The following STK32B variants were observed in gnomAD, a reference collection of about 807,000 sequenced individuals.
STK32B encodes serine/threonine-protein kinase 32B.
STK32B carries 43 observed loss-of-function variants against 52.6 expected under a neutral mutation model. The observed-to-expected ratio is 0.82, with a 90% CI of 0.64 to 1.05. The LOEUF is 1.05. Among genes scored for constraint, STK32B ranks in the 50% least tolerant of loss-of-function variants. The pLI is 0.00. For missense variants in STK32B, 621 were observed against 534.6 expected, an observed-to-expected ratio of 1.16 and a Z score of -1.59; for synonymous variants, 238 against 204.3, an observed-to-expected ratio of 1.17 and a Z score of -1.41.
chr4:5,412,927 G>A (rs1000698076), intron 5 of STK32B, among the ~76,000 whole-genome samples: 1 of 152,024 alleles, frequency 6.6e-6, no homozygotes, highest in East Asian at 1.9e-4. Flanking sequence ...TCTCAGCCCA[G>A]AAGGTCTGAC....
At chr4:5,351,170 G>A (rs1418536161) in intron 4 of STK32B, among the ~76,000 whole-genome samples, 7 of 152,124 alleles carry the variant, frequency 4.6e-5, no homozygotes, top group African/African-American at 1.7e-4. Flanking sequence ...TCATCCAACA[G>A]CTACAGAATA....
chr4:5,175,464 T>C (rs1460325329), intron 3 of STK32B, among the ~76,000 whole-genome samples: 1 of 152,226 alleles, frequency 6.6e-6, no homozygotes, highest in Non-Finnish European at 1.5e-5. Flanking sequence ...ACGATGGTGA[T>C]GTACAGATGG....
At chr4:5,052,883 G>A (rs2108751373) in intron 1 of STK32B, among the ~76,000 whole-genome samples, 1 of 152,320 alleles carries the variant, frequency 6.6e-6, no homozygotes, top group East Asian at 1.9e-4. Context: ...AGCCATGCTA[G>A]CACATAGTGT....
At chr4:5,152,925 C>T (rs1193640606) in intron 2 of STK32B, among the ~76,000 whole-genome samples, 1 of 152,210 alleles carries the variant, frequency 6.6e-6, no homozygotes, top group Non-Finnish European at 1.5e-5. Flanking sequence ...CTAAAGAGTC[C>T]TGACTAATCA....
At chr4:5,069,385 C>T (rs77264111) in intron 1 of STK32B, among the ~76,000 whole-genome samples, 2,452 of 152,162 alleles carry the variant, frequency 0.016, 31 homozygotes, top group Non-Finnish European at 0.028. Context: ...CTCTAAACTA[C>T]GTTCCACCTT....
chr4:5,397,543 C>A (rs1736998412), intron 4 of STK32B, among the ~76,000 whole-genome samples: 1 of 152,206 alleles, frequency 6.6e-6, no homozygotes, highest in Non-Finnish European at 1.5e-5. Flanking sequence ...CACTATGTTA[C>A]CCTTAAAAGA....
intron 5 of STK32B, among the ~76,000 whole-genome samples, chr4:5,412,972 A>C (rs1711827218): frequency 6.7e-6 from 1 of 149,902 alleles, no homozygotes. Context: ...CTCCTTTCCT[A>C]CTCCTTCCCT....
chr4:5,254,800 G>A (rs555810974), intron 3 of STK32B, among the ~76,000 whole-genome samples: 32 of 152,094 alleles, frequency 2.1e-4, no homozygotes, highest in African/African-American at 7.7e-4. Context: ...CTTTGACACA[G>A]TTTTTTAGGT....
intron 4 of STK32B, among the ~76,000 whole-genome samples, chr4:5,348,979 A>AGG (rs1415153888): frequency 6.6e-6 from 1 of 152,176 alleles, no homozygotes; most frequent in Non-Finnish European, 1.5e-5. Flanking sequence ...TGTAGGTCTG[A>AGG]GGGCTGGCCT....
At chr4:5,046,153 T>C in the STK32B span, among the ~76,000 whole-genome samples, 7 of 152,292 alleles carry the variant, frequency 4.6e-5, no homozygotes, top group East Asian at 7.7e-4. Flanking sequence ...ATGGTAGTGG[T>C]ACCAAAACAG....
intron 1 of STK32B, among the ~76,000 whole-genome samples, chr4:5,070,053 T>C (rs532590572): frequency 6.6e-6 from 1 of 152,324 alleles, no homozygotes; most frequent in African/African-American, 2.4e-5. Context: ...AGGGGGCTGC[T>C]GTTTATTCAG....
chr4:5,358,033 T>C (rs1016273738), intron 4 of STK32B, among the ~76,000 whole-genome samples: 2 of 152,320 alleles, frequency 1.3e-5, no homozygotes, highest in Admixed American at 1.3e-4. Context: ...AACTTAGTCA[T>C]TTCTGGGCAC....
chr4:5,172,108 TTGTC>T (rs1719427716), intron 3 of STK32B, among the ~76,000 whole-genome samples: 1 of 101,432 alleles, frequency 9.9e-6, no homozygotes, highest in Admixed American at 9.1e-5. Flanking sequence ...GGCTCTCTGT[TTGTC>T]TGTTGTTGGT....
chr4:5,427,571 G>T (rs1387332772), intron 6 of STK32B, among the ~76,000 whole-genome samples: 1 of 152,126 alleles, frequency 6.6e-6, no homozygotes, highest in Non-Finnish European at 1.5e-5. Context: ...TAACAGACAT[G>T]GGACTATTCT....
intron 2 of STK32B, among the ~76,000 whole-genome samples, chr4:5,167,844 G>A (rs943097502): frequency 1.3e-5 from 2 of 152,210 alleles, no homozygotes; most frequent in Admixed American, 1.3e-4. Flanking sequence ...GAGAAATGCA[G>A]GACTGGTGGA....
chr4:5,393,528 GCCTCAGGAAA>G (rs914025168), intron 4 of STK32B, among the ~76,000 whole-genome samples: 2 of 152,138 alleles, frequency 1.3e-5, no homozygotes, highest in African/African-American at 2.4e-5. Flanking sequence ...TTCTTGGGAG[GCCTCAGGAAA>G]CTTACGATGG....
At chr4:5,032,476 C>CAAAAAAAAAAAAAAAAA in the STK32B span, among the ~76,000 whole-genome samples, 14 of 49,680 alleles carry the variant, frequency 2.8e-4, no homozygotes, top group East Asian at 9.6e-4. Context: ...GACTCCATCT[C>CAAAAAAAAAAAAAAAAA]AAAAAAAAAA....
chr4:5,449,298 G>A (rs527745515), intron 7 of STK32B, among the ~76,000 whole-genome samples: 5 of 152,308 alleles, frequency 3.3e-5, no homozygotes, highest in East Asian at 1.9e-4. Flanking sequence ...AGCCAAGATC[G>A]TGCCACTGCA....
chr4:5,346,596 G>A (rs548154004), intron 4 of STK32B, among the ~76,000 whole-genome samples: 25 of 152,290 alleles, frequency 1.6e-4, no homozygotes, highest in Non-Finnish European at 3.2e-4. Context: ...GCCACTCACC[G>A]CTGTAAAGAG....
Sources: gnomAD v4.1 joint callset for allele counts (sites outside exome capture counted in the v4.1 genomes callset) on GRCh38, gnomAD v4.1.1 for gene constraint, MANE v1.5 for transcripts, NCBI Gene and HGNC (gene_info 2026-07-23, HGNC 2026-07-21) for gene names.